The following TSHZ2 variants were observed in gnomAD, a reference collection of about 807,000 sequenced individuals.
TSHZ2 encodes the protein teashirt zinc finger homeobox 2.
Under a neutral mutation model 74.4 loss-of-function variants are expected in TSHZ2, and 21 were observed. The ratio of observed to expected loss-of-function variants is 0.28; its 90% CI spans 0.20 to 0.41. TSHZ2 has a LOEUF of 0.41. Ranked by LOEUF, TSHZ2 falls within the 10% of genes least tolerant of loss-of-function variation. TSHZ2 has a pLI of 1.00. For missense variants in TSHZ2, 1,244 were observed against 1,293.5 expected, an observed-to-expected ratio of 0.96 and a Z score of 0.59; for synonymous variants, 540 against 515.3, an observed-to-expected ratio of 1.05 and a Z score of -0.65.
chr20:53,109,296 G>A (rs1447585359), intron 1 of TSHZ2, among the ~76,000 whole-genome samples: 1 of 152,168 alleles, frequency 6.6e-6, no homozygotes, highest in African/African-American at 2.4e-5. Context: ...TCTACTCTCA[G>A]GTAATAATTT....
At chr20:53,486,342 T>C (rs2145863215) in intron 2 of TSHZ2, among the ~76,000 whole-genome samples, 1 of 152,342 alleles carries the variant, frequency 6.6e-6, no homozygotes, top group Middle Eastern at 3.4e-3. Flanking sequence ...TGAATAGTGT[T>C]GCTATGAACA....
chr20:53,470,179 T>A (rs1447044157), intron 2 of TSHZ2, among the ~76,000 whole-genome samples: 1 of 152,128 alleles, frequency 6.6e-6, no homozygotes, highest in Non-Finnish European at 1.5e-5. Context: ...AGGCAATACA[T>A]CAGAAAGTGT....
At chr20:53,123,884 G>A (rs778076010) in intron 1 of TSHZ2, among the ~76,000 whole-genome samples, 45 of 152,134 alleles carry the variant, frequency 3.0e-4, no homozygotes, top group South Asian at 1.2e-3. Context: ...TGACTCTACT[G>A]CCTTAATTTT....
At position 53,085,700 on chromosome 20, in the gene TSHZ2, A is replaced by G. The variant is rs377429195; in HGVS notation, c.40+112367A>G. Among the ~76,000 whole-genome samples, 28 of 152,336 alleles carry G rather than the reference A, an allele frequency of 1.8e-4. No homozygotes were observed. In the South Asian group the frequency reaches 5.8e-3, roughly 32 times the overall value. ...GCAAGGACTTTCCCCAGGATAAATT[A>G]CAAAGTTCAGATTTAAACCCAGGTG... On this transcript the variant is annotated intron_variant, in intron 1 of 2. Transcript: ENST00000371497.
chr20:53,444,638 A>G (rs1189005830), intron 2 of TSHZ2, among the ~76,000 whole-genome samples: 1 of 152,186 alleles, frequency 6.6e-6, no homozygotes, highest in African/African-American at 2.4e-5. Context: ...AAGCCTCCTC[A>G]ACTGTGCAAA....
At position 53,009,125 on chromosome 20, in the gene TSHZ2, T is replaced by G. The variant is rs150712184; in HGVS notation, c.40+35792T>G. 3.8e-3 allele frequency among the ~76,000 whole-genome samples: 572 copies of G among 151,674 alleles called. 6 individuals carry two copies. Among genetic ancestry groups the G allele is most frequent in the African/African-American group, 0.013 (541 of 41,284 alleles). On this transcript the variant is annotated intron_variant, in intron 1 of 2. Transcript: ENST00000371497. ...AGGAGGATTGCTTGAGCCCAGGAGT[T>G]CAAGACTAGCCTGAAAAAATAGTGA...
chr20:53,024,193 ATTATC>A (rs1036607629), intron 1 of TSHZ2, among the ~76,000 whole-genome samples: 8 of 151,864 alleles, frequency 5.3e-5, no homozygotes, highest in Admixed American at 1.3e-4. Context: ...TACATAAATT[ATTATC>A]TTATCTTAAA....
At chr20:52,974,409 T>G (rs1463444872) in intron 1 of TSHZ2, among the ~76,000 whole-genome samples, 1 of 152,222 alleles carries the variant, frequency 6.6e-6, no homozygotes, top group Non-Finnish European at 1.5e-5. Context: ...GAGCCAGACA[T>G]GCACAATTAT....
intron 1 of TSHZ2, among the ~76,000 whole-genome samples, chr20:53,086,191 T>C (rs1985694321): frequency 6.6e-6 from 1 of 152,126 alleles, no homozygotes. Context: ...AACTAAACAG[T>C]AACAACAAAA....
intron 1 of TSHZ2, among the ~76,000 whole-genome samples, chr20:53,248,507 T>C (rs960240523): frequency 5.3e-5 from 8 of 152,210 alleles, no homozygotes; most frequent in Non-Finnish European, 1.0e-4. Context: ...ATAATATTTC[T>C]CCTTTTTTAA....
chr20:53,168,765 A>T (rs1988120873), intron 1 of TSHZ2: 1 of 152,186 alleles, frequency 6.6e-6, no homozygotes, highest in Non-Finnish European at 1.5e-5. Context: ...TTCCAAAACC[A>T]TTGAAGGTGT....
intron 1 of TSHZ2, among the ~76,000 whole-genome samples, chr20:53,055,203 G>A (rs1292628231): frequency 1.3e-5 from 2 of 152,096 alleles, no homozygotes; most frequent in African/African-American, 2.4e-5. Flanking sequence ...GTTTTATATT[G>A]AAATCATCAA....
intron 1 of TSHZ2, among the ~76,000 whole-genome samples, chr20:53,049,951 G>A (rs1363079542): frequency 1.3e-5 from 2 of 151,382 alleles, no homozygotes; most frequent in Admixed American, 1.3e-4. Flanking sequence ...GCTTGGTGGT[G>A]CATGCCTGTA....
At chr20:53,057,541 ATGT>A (rs1449001758) in intron 1 of TSHZ2, among the ~76,000 whole-genome samples, 3 of 152,060 alleles carry the variant, frequency 2.0e-5, no homozygotes, top group African/African-American at 4.8e-5. Flanking sequence ...TTTGCTTTTT[ATGT>A]TGTTATTATT....
At chr20:53,346,083 C>G (rs148023570) in intron 2 of TSHZ2, among the ~76,000 whole-genome samples, 3 of 152,342 alleles carry the variant, frequency 2.0e-5, no homozygotes, top group South Asian at 2.1e-4. Context: ...CACACATTGT[C>G]TAGAGAAAGT....
In TSHZ2 at chr20:53,490,353, T is replaced by C. The variant is rs764653499; in HGVS notation, c.*3218T>C. 23 of 152,236 alleles carry C rather than the reference T, an allele frequency of 1.5e-4. No homozygotes were observed. Among genetic ancestry groups the C allele is most frequent in the African/African-American group, 5.3e-4 (22 of 41,458 alleles). The allele number at this position is 152,236 out of a possible 1,614,324, so 9.4% of individuals were successfully genotyped here. A position where few individuals can be genotyped will look rare whatever the true frequency, so the allele number is the denominator to read the frequency against. On this transcript the variant is annotated 3_prime_UTR_variant, in exon 3 of 3. Coordinates refer to ENST00000371497, the MANE Select transcript of TSHZ2 (RefSeq NM_173485.6). ...TTATGTGAGACACTGTCCTAGGCACTGTGGGATAACAACAGCAAACACTTC... is the reference window on the plus strand; with the variant it reads ...TTATGTGAGACACTGTCCTAGGCACCGTGGGATAACAACAGCAAACACTTC...
In TSHZ2 at chr20:53,035,320, G is replaced by T. The variant is rs528681381; in HGVS notation, c.40+61987G>T. On this transcript the variant is annotated intron_variant, in intron 1 of 2. Coordinates refer to ENST00000371497, the MANE Select transcript of TSHZ2 (RefSeq NM_173485.6). The stretch of plus-strand genomic sequence containing the variant: ...CTCACCTCTGACTCCCAGTAGAGGT[G>T]AAATCAGCAGTGGTTCAAGGGAAAG... Among the ~76,000 whole-genome samples, 4 of 152,326 alleles carry T rather than the reference G, an allele frequency of 2.6e-5. No individual in the cohort carries two copies. The East Asian group carries it at 7.7e-4, about 29-fold the overall frequency.
chr20:53,080,670 C>G (rs1411028962), intron 1 of TSHZ2, among the ~76,000 whole-genome samples: 1 of 152,158 alleles, frequency 6.6e-6, no homozygotes, highest in African/African-American at 2.4e-5. Context: ...AATCGAATGC[C>G]CCTGCTGACA....
At chr20:53,083,083 C>G (rs1985586054) in intron 1 of TSHZ2, among the ~76,000 whole-genome samples, 1 of 152,214 alleles carries the variant, frequency 6.6e-6, no homozygotes, top group South Asian at 2.1e-4. Flanking sequence ...ACCTAACCTT[C>G]TGTGTATAAA....
Sources: gnomAD v4.1 joint callset for allele counts (sites outside exome capture counted in the v4.1 genomes callset) on GRCh38, gnomAD v4.1.1 for gene constraint, MANE v1.5 for transcripts, NCBI Gene and HGNC (gene_info 2026-07-23, HGNC 2026-07-21) for gene names.